TM4SF4: variants seen among roughly 807,000 people sequenced by gnomAD.
TM4SF4 encodes transmembrane 4 L six family member 4.
A neutral mutation model predicts 24.1 loss-of-function variants in TM4SF4; 24 were observed. That is an observed-to-expected ratio of 1.00 (90% CI 0.72 to 1.40). The LOEUF is 1.40. TM4SF4 is among the 40% of genes most tolerant of loss of function. The probability of loss-of-function intolerance (pLI) is 0.00; values close to 1 mark genes in which losing one functional copy is unlikely to be tolerated. For synonymous variants in TM4SF4, 113 were observed against 97.0 expected (o/e 1.17, Z -0.97); for missense variants, 254 against 254.2 (o/e 1.00, Z 0.01).
At chr3:149,490,127 T>C (rs377386484) in intron 3 of TM4SF4, among the ~76,000 whole-genome samples, 1 of 152,230 alleles carries the variant, frequency 6.6e-6, no homozygotes. Flanking sequence ...TTGTGCAAGG[T>C]ATAAAATATG....
intron 1 of TM4SF4, among the ~76,000 whole-genome samples, chr3:149,475,565 T>C (rs755375410): frequency 2.6e-5 from 4 of 152,192 alleles, no homozygotes; most frequent in Admixed American, 6.5e-5. Flanking sequence ...AAAAGTTTGT[T>C]ATTCTTTTTT....
At chr3:149,495,563 C>A (rs1025297629) in intron 3 of TM4SF4, 15 of 368,706 alleles carry the variant, frequency 4.1e-5, no homozygotes, top group South Asian at 4.0e-4. Context: ...GTGTTAAGAA[C>A]GCATCTGTCA....
At chr3:149,478,311 A>G (rs1360217947) in intron 2 of TM4SF4, among the ~76,000 whole-genome samples, 1 of 151,986 alleles carries the variant, frequency 6.6e-6, no homozygotes, top group African/African-American at 2.4e-5. Context: ...ATGCCCAGCT[A>G]ATTTTGTATT....
chr3:149,496,129 TA>T (rs1734306408), intron 3 of TM4SF4: 2 of 155,694 alleles, frequency 1.3e-5, no homozygotes, highest in Admixed American at 6.5e-5. Context: ...TGTTAACAAT[TA>T]AAACCTTCAG....
rs766218155 is a variant in TM4SF4, at chr3:149,474,956, C to T, written c.79C>T (p.Leu27=). ...TTTTTTTGGCTTCCTGGCTAACATCCTGTTATTTTTTCCTGGAGGAAAAGT... is the reference window on the plus strand; with the variant it reads ...TTTTTTTGGCTTCCTGGCTAACATCTTGTTATTTTTTCCTGGAGGAAAAGT... The part of the protein sequence containing the change: ...LAFFGFLANI[L]LFFPGGKVID... Residue 27 remains leucine (L), a synonymous_variant, in exon 1 of 5, where the codon CTG becomes TTG. Coordinates refer to ENST00000305354, the MANE Select transcript of TM4SF4 (RefSeq NM_004617.4). 6.2e-7 allele frequency: 1 copy of T among 1,613,942 alleles called. No homozygotes were observed. Among genetic ancestry groups the T allele is most frequent in the Non-Finnish European group, 8.5e-7 (1 of 1,179,874 alleles).
intron 4 of TM4SF4, among the ~76,000 whole-genome samples, chr3:149,500,952 G>A (rs1433698493): frequency 3.3e-5 from 5 of 149,328 alleles, no homozygotes; most frequent in African/African-American, 1.2e-4. Flanking sequence ...CTGAGCCCAC[G>A]ATGCTGAGGC....
chr3:149,497,531 C>T (rs917877807), intron 3 of TM4SF4, among the ~76,000 whole-genome samples: 1 of 152,102 alleles, frequency 6.6e-6, no homozygotes, highest in African/African-American at 2.4e-5. Flanking sequence ...ACAAAGAGAC[C>T]AATTTGGGGC....
chr3:149,501,916 T>A (rs996189916), intron 4 of TM4SF4, among the ~76,000 whole-genome samples: 8 of 152,216 alleles, frequency 5.3e-5, no homozygotes, highest in Non-Finnish European at 1.0e-4. Flanking sequence ...GGTTTGAATG[T>A]CAGCTGTGTG....
chr3:149,494,963 T>G, intron 3 of TM4SF4: 1 of 178,688 alleles, frequency 5.6e-6, no homozygotes, highest in Non-Finnish European at 1.2e-5. Flanking sequence ...TACAGGCACA[T>G]CTCAGTCTGA....
intron 2 of TM4SF4, among the ~76,000 whole-genome samples, chr3:149,480,409 G>T (rs760241501): frequency 3.3e-5 from 5 of 152,160 alleles, no homozygotes; most frequent in Admixed American, 6.5e-5. Flanking sequence ...GACTGATGAG[G>T]ATATGTGTTG....
At chr3:149,494,994 C>T in intron 3 of TM4SF4, 1 of 210,362 alleles carries the variant, frequency 4.8e-6, no homozygotes, top group Non-Finnish European at 9.9e-6. Flanking sequence ...CTGATTGTTG[C>T]TGTTGGTGTT....
At chr3:149,480,380 A>AG (rs1369122554) in intron 2 of TM4SF4, among the ~76,000 whole-genome samples, 15 of 152,228 alleles carry the variant, frequency 9.9e-5, no homozygotes, top group Admixed American at 9.8e-4. Context: ...GAGTGTCTTT[A>AG]ATAATGAGAC....
intron 4 of TM4SF4, among the ~76,000 whole-genome samples, chr3:149,500,581 T>C (rs551138856): frequency 5.3e-5 from 8 of 152,224 alleles, no homozygotes; most frequent in Non-Finnish European, 1.0e-4. Context: ...ATGATAGTGA[T>C]TGAAAATATT....
At chr3:149,476,814 G>GTTTTTTTTTTTTTTTTTTTTTGT (rs67092416) in intron 2 of TM4SF4, among the ~76,000 whole-genome samples, 6 of 81,208 alleles carry the variant, frequency 7.4e-5, no homozygotes, top group Non-Finnish European at 1.2e-4. Context: ...TTTTGTTTTT[G>GTTTTTTTTTTTTTTTTTTTTTGT]TTTTTTTTTT....
At chr3:149,479,300 T>TTGC (rs894968938) in intron 2 of TM4SF4, among the ~76,000 whole-genome samples, 2 of 152,142 alleles carry the variant, frequency 1.3e-5, no homozygotes, top group Admixed American at 6.5e-5. Context: ...AGACTCTTGT[T>TTGC]TGCTTAATGT....
intron 3 of TM4SF4, among the ~76,000 whole-genome samples, chr3:149,489,282 G>GGT (rs200070884): frequency 1.3e-5 from 2 of 152,058 alleles, no homozygotes; most frequent in African/African-American, 2.4e-5. Context: ...TCCACCTAGG[G>GGT]GTGTGTGTGT....
intron 3 of TM4SF4, among the ~76,000 whole-genome samples, chr3:149,489,825 T>A (rs143926996): frequency 3.0e-4 from 46 of 152,306 alleles, no homozygotes; most frequent in African/African-American, 8.7e-4. Flanking sequence ...TATAAAGATT[T>A]GATAATAAAA....
At chr3:149,494,550 T>C (rs1434686886) in intron 3 of TM4SF4, 3 of 150,990 alleles carry the variant, frequency 2.0e-5, no homozygotes, top group Non-Finnish European at 4.4e-5. Flanking sequence ...AATGGAAAAA[T>C]GCAGAACAGA....
intron 2 of TM4SF4, among the ~76,000 whole-genome samples, chr3:149,484,717 A>G (rs1277448633): frequency 6.6e-6 from 1 of 152,064 alleles, no homozygotes; most frequent in Admixed American, 6.6e-5. Flanking sequence ...GTGCCTGGCT[A>G]ATTTTTATAT....
Sources: gnomAD v4.1 joint callset for allele counts (sites outside exome capture counted in the v4.1 genomes callset) on GRCh38, gnomAD v4.1.1 for gene constraint, MANE v1.5 for transcripts, NCBI Gene and HGNC (gene_info 2026-07-23, HGNC 2026-07-21) for gene names.